The following SRPK2 variants were observed in gnomAD, a reference collection of about 807,000 sequenced individuals.
The protein encoded by SRPK2 is SFRS protein kinase 2.
In SRPK2, 21 loss-of-function variants were observed where a neutral mutation model predicts 90.8. The observed-to-expected ratio is 0.23, with a 90% CI of 0.16 to 0.33. The LOEUF (loss-of-function observed/expected upper bound fraction) is 0.33. Among genes scored for constraint, SRPK2 ranks in the 10% least tolerant of loss-of-function variants. The pLI is 1.00. For missense variants in SRPK2, 620 were observed against 869.0 expected (o/e 0.71, Z 3.60); for synonymous variants, 288 against 311.1 (o/e 0.93, Z 0.78).
chr7:105,380,012 G>A (rs1201201652), intron 2 of SRPK2, among the ~76,000 whole-genome samples: 1 of 152,184 alleles, frequency 6.6e-6, no homozygotes, highest in Admixed American at 6.5e-5. Flanking sequence ...CATGGTGGTA[G>A]GCACCTGCAG....
rs895800265 is a variant in SRPK2, at chr7:105,117,290, C to T, written c.*548G>A. 6.5e-6 allele frequency: 1 copy of T among 153,918 alleles called. No homozygotes were observed. Among genetic ancestry groups the T allele is most frequent in the Non-Finnish European group, 1.4e-5 (1 of 69,076 alleles). The allele number at this position is 153,918 out of a possible 1,614,324, so 9.5% of individuals were successfully genotyped here. A position where few individuals can be genotyped will look rare whatever the true frequency, so the allele number is the denominator to read the frequency against. ...AACATAGGCTACAAAGCACTCAAGACTTGGTAGCTTTTCTGAAATTTGAGT... is the reference window on the plus strand; with the variant it reads ...AACATAGGCTACAAAGCACTCAAGATTTGGTAGCTTTTCTGAAATTTGAGT... On this transcript the variant is annotated 3_prime_UTR_variant, in exon 16 of 16. Transcript: ENST00000393651.
At chr7:105,264,286 A>G (rs1160654676) in intron 2 of SRPK2, among the ~76,000 whole-genome samples, 1 of 152,002 alleles carries the variant, frequency 6.6e-6, no homozygotes, top group South Asian at 2.1e-4. Flanking sequence ...CTCCGCATCC[A>G]CACATCGCTA....
chr7:105,320,656 C>T (rs1812833277), intron 2 of SRPK2, among the ~76,000 whole-genome samples: 2 of 152,170 alleles, frequency 1.3e-5, no homozygotes, highest in South Asian at 4.1e-4. Context: ...TGACAAAACC[C>T]TATCTACCAT....
At chr7:105,380,454 C>G (rs559912544) in intron 2 of SRPK2, among the ~76,000 whole-genome samples, 2 of 151,450 alleles carry the variant, frequency 1.3e-5, no homozygotes, top group South Asian at 4.2e-4. Context: ...GAAAAATGAA[C>G]AAAACCATGC....
In SRPK2 at chr7:105,249,908, C is replaced by T. The variant is rs539337538; in HGVS notation, c.72-46123G>A. ...GATTCCTCCTAATAATCTATTCTTA[C>T]GCATATGACCTAGAATGAGGATGAC... On this transcript the variant is annotated intron_variant, in intron 2 of 15. Transcript: ENST00000393651. Among the ~76,000 whole-genome samples the T allele has an allele frequency of 4.6e-5, 7 of 152,292 alleles. No homozygotes were observed. The South Asian group carries it at 1.2e-3, about 27-fold the overall frequency.
intron 2 of SRPK2, among the ~76,000 whole-genome samples, chr7:105,248,436 TA>T (rs56040288): frequency 0.4 from 51,635 of 127,666 alleles, 11,609 homozygotes; most frequent in Non-Finnish European, 0.52. Flanking sequence ...ACAAAAAATT[TA>T]AAAAAAAAAA....
chr7:105,215,682 A>T (rs1206490480), intron 2 of SRPK2, among the ~76,000 whole-genome samples: 1 of 152,218 alleles, frequency 6.6e-6, no homozygotes, highest in Admixed American at 6.5e-5. Flanking sequence ...CATAGATGCT[A>T]CCACATGGAT....
intron 2 of SRPK2, among the ~76,000 whole-genome samples, chr7:105,367,787 A>G (rs549783258): frequency 6.6e-6 from 1 of 152,316 alleles, no homozygotes; most frequent in Non-Finnish European, 1.5e-5. Context: ...GTAAATGATA[A>G]AACAGGCTAG....
chr7:105,388,907 A>G lies in SRPK2; in HGVS notation c.-101T>C, dbSNP rs973749137. The stretch of plus-strand genomic sequence containing the variant: ...CACTCGCTCCGCCGGCCGGGAGGAG[A>G]CGAGAACCGCGCCTGCGCCGCCGCC... On this transcript the variant is annotated 5_prime_UTR_variant, in exon 1 of 16. Transcript: ENST00000393651. 4.7e-4 allele frequency: 579 copies of G among 1,224,438 alleles called. No homozygotes were observed. Among genetic ancestry groups the G allele is most frequent in the Non-Finnish European group, 5.7e-4 (562 of 986,152 alleles). The allele number at this position is 1,224,438 out of a possible 1,614,324, so 75.8% of individuals were successfully genotyped here. A position where few individuals can be genotyped will look rare whatever the true frequency, so the allele number is the denominator to read the frequency against.
At position 105,170,993 on chromosome 7, in the gene SRPK2, A is replaced by AAGAAAGAGAGAG. The variant is rs1563027314; in HGVS notation, c.230-1729_230-1728insCTCTCTCTTTCT. On this transcript the variant is annotated intron_variant, in intron 3 of 15. Transcript: ENST00000393651. ...AGAAAGAAAGAGAAAGAAAGAAAGA[A>AAGAAAGAGAGAG]AGAGAAAGAAAGAAAGAAAGAGAGG... Among the ~76,000 whole-genome samples, 5 of 139,054 alleles carry AAGAAAGAGAGAG rather than the reference A, an allele frequency of 3.6e-5. 1 individual carries two copies. The highest frequency in any genetic ancestry group is 1.1e-4 in the African/African-American group (4 of 37,834). The allele number at this position is 139,054 out of a possible 152,430, so 91.2% of individuals were successfully genotyped here. A position where few individuals can be genotyped will look rare whatever the true frequency, so the allele number is the denominator to read the frequency against.
chr7:105,329,867 TA>T (rs1027844467), intron 2 of SRPK2, among the ~76,000 whole-genome samples: 13 of 146,416 alleles, frequency 8.9e-5, no homozygotes, highest in Non-Finnish European at 7.5e-5. Context: ...CCGTCTCTAC[TA>T]AAAAAAAAAT....
At chr7:105,373,623 G>A (rs55921215) in intron 2 of SRPK2, among the ~76,000 whole-genome samples, 1,645 of 151,412 alleles carry the variant, frequency 0.011, 24 homozygotes, top group African/African-American at 0.038. Context: ...GGCTGGTCTC[G>A]AACTCCTGGC....
chr7:105,272,432 T>C (rs968168324), intron 2 of SRPK2, among the ~76,000 whole-genome samples: 1 of 152,230 alleles, frequency 6.6e-6, no homozygotes, highest in African/African-American at 2.4e-5. Flanking sequence ...TTTTAAATTA[T>C]GGTTGCTTTT....
intron 2 of SRPK2, among the ~76,000 whole-genome samples, chr7:105,326,090 TTAA>T (rs1350748453): frequency 6.6e-6 from 1 of 152,190 alleles, no homozygotes; most frequent in Non-Finnish European, 1.5e-5. Context: ...AGTAAAAAGT[TTAA>T]AAAGTCATCC....
intron 2 of SRPK2, among the ~76,000 whole-genome samples, chr7:105,320,032 T>C (rs991784264): frequency 6.6e-5 from 10 of 152,170 alleles, no homozygotes; most frequent in African/African-American, 1.4e-4. Context: ...AATAATAACA[T>C]TCCAAATAAT....
At chr7:105,361,163 T>C (rs1283909977) in intron 2 of SRPK2, among the ~76,000 whole-genome samples, 1 of 152,110 alleles carries the variant, frequency 6.6e-6, no homozygotes, top group African/African-American at 2.4e-5. Flanking sequence ...ACAAGCATTC[T>C]TATACACCTA....
intron 8 of SRPK2, among the ~76,000 whole-genome samples, chr7:105,146,098 G>A (rs6466046): frequency 0.72 from 109,524 of 152,066 alleles, 42,259 homozygotes; most frequent in Non-Finnish European, 0.87. Context: ...TACAACTCAG[G>A]TTGACATAGC....
At chr7:105,212,975 G>A (rs1460581966) in intron 2 of SRPK2, among the ~76,000 whole-genome samples, 1 of 152,124 alleles carries the variant, frequency 6.6e-6, no homozygotes, top group Non-Finnish European at 1.5e-5. Context: ...ACTAGGTGAT[G>A]GAATCTAGAC....
At chr7:105,323,123 G>A (rs1418056906) in intron 2 of SRPK2, among the ~76,000 whole-genome samples, 2 of 152,054 alleles carry the variant, frequency 1.3e-5, no homozygotes, top group African/African-American at 4.8e-5. Flanking sequence ...TCAGGAGGTG[G>A]AGGCTACAAT....
Sources: allele counts gnomAD v4.1 joint callset (sites outside exome capture counted in the v4.1 genomes callset), GRCh38; gene constraint gnomAD v4.1.1; transcripts MANE v1.5; gene names NCBI Gene and HGNC (gene_info 2026-07-23, HGNC 2026-07-21).